PPP1R12A: variants seen among roughly 807,000 people sequenced by gnomAD.
PPP1R12A encodes myosin binding subunit.
Under a neutral mutation model 139.6 loss-of-function variants are expected in PPP1R12A, and 19 were observed. The observed-to-expected ratio is 0.14, with a 90% CI of 0.09 to 0.20. PPP1R12A has a LOEUF of 0.20. Ranked by LOEUF, PPP1R12A falls within the 10% of genes least tolerant of loss-of-function variation. The probability of loss-of-function intolerance (pLI) is 1.00; values close to 1 mark genes in which losing one functional copy is unlikely to be tolerated. For synonymous variants in PPP1R12A, 427 were observed against 420.6 expected (o/e 1.02, Z -0.19); for missense variants, 925 against 1,211.5 (o/e 0.76, Z 3.51).
chr12:79,888,452 C>T (rs1186860156), intron 1 of PPP1R12A, among the ~76,000 whole-genome samples: 1 of 152,042 alleles, frequency 6.6e-6, no homozygotes, highest in African/African-American at 2.4e-5. Context: ...TACATCAGAA[C>T]CCAGAGGGCA....
chr12:79,873,545 A>C (rs940627791), intron 1 of PPP1R12A, among the ~76,000 whole-genome samples: 2 of 150,978 alleles, frequency 1.3e-5, no homozygotes, highest in Admixed American at 1.3e-4. Context: ...TCATGCTTGT[A>C]ATCCCATCTA....
chr12:79,777,198 CTAG>C (rs1289103625), intron 24 of PPP1R12A: 1 of 914,660 alleles, frequency 1.1e-6, no homozygotes, highest in African/African-American at 1.8e-5. Flanking sequence ...GGTTTTCTCT[CTAG>C]TAAAGAACTG....
chr12:79,861,745 G>A (rs996632372), intron 2 of PPP1R12A, among the ~76,000 whole-genome samples: 3 of 152,124 alleles, frequency 2.0e-5, no homozygotes, highest in East Asian at 3.9e-4. Flanking sequence ...GGAGCTTGGC[G>A]GGGGGAAAGG....
In PPP1R12A at chr12:79,773,944, TAG is replaced by T. The variant is rs1179058138; in HGVS notation, c.*1983_*1984del. 6.6e-6 allele frequency: 1 copy of T among 152,206 alleles called. No individual in the cohort carries two copies. Among genetic ancestry groups the T allele is most frequent in the Non-Finnish European group, 1.5e-5 (1 of 68,014 alleles). 9.4% of individuals were successfully genotyped at this position (152,206 alleles called of 1,614,324 possible). On this transcript the variant is annotated 3_prime_UTR_variant, in exon 25 of 25. Transcript: ENST00000450142. The stretch of plus-strand genomic sequence containing the variant: ...CTCAATACTACCAATAAAATCAATA[TAG>T]CACAGTAGCTGTTCAGTTTTAGATA...
chr12:79,774,100 T>C lies in PPP1R12A; in HGVS notation c.*1829A>G, dbSNP rs1159537320. 6.6e-6 allele frequency: 1 copy of C among 152,160 alleles called. No individual in the cohort carries two copies. The highest frequency in any genetic ancestry group is 1.9e-4 in the East Asian group (1 of 5,188). The allele number at this position is 152,160 out of a possible 1,614,324, so 9.4% of individuals were successfully genotyped here. On this transcript the variant is annotated 3_prime_UTR_variant, in exon 25 of 25. Coordinates refer to ENST00000450142, the MANE Select transcript of PPP1R12A (RefSeq NM_002480.3). The stretch of plus-strand genomic sequence containing the variant: ...CTAACTGTTGTGCAACCAGAACATG[T>C]TGCAGTCACTCAAACTGATCAGTTA...
At chr12:79,919,285 G>A (rs907059848) in intron 1 of PPP1R12A, among the ~76,000 whole-genome samples, 5 of 151,068 alleles carry the variant, frequency 3.3e-5, no homozygotes, top group East Asian at 2.0e-4. Context: ...AGCCGGGCGC[G>A]GTGGCTCACA....
At chr12:79,898,747 T>C (rs1188740610) in intron 1 of PPP1R12A, among the ~76,000 whole-genome samples, 1 of 152,130 alleles carries the variant, frequency 6.6e-6, no homozygotes, top group Non-Finnish European at 1.5e-5. Context: ...ACCTGCTGTT[T>C]CTCCTATTAC....
At chr12:79,864,095 C>T (rs1195621474) in intron 2 of PPP1R12A, among the ~76,000 whole-genome samples, 1 of 152,144 alleles carries the variant, frequency 6.6e-6, no homozygotes, top group Non-Finnish European at 1.5e-5. Context: ...GGAAGTAAAA[C>T]ACTTCTCAGC....
chr12:79,859,321 G>GGTGA (rs1881038909), intron 2 of PPP1R12A, among the ~76,000 whole-genome samples: 1 of 147,194 alleles, frequency 6.8e-6, no homozygotes, highest in Non-Finnish European at 1.5e-5. Flanking sequence ...TGGGCAACAG[G>GGTGA]GTGAGACTCT....
chr12:79,817,574 C>T, intron 8 of PPP1R12A, 56 bp from the exon 9 acceptor site: 1 of 1,456,788 alleles, frequency 6.9e-7, no homozygotes, highest in Non-Finnish European at 9.2e-7. Context: ...GTCTCAATGG[C>T]TGGGAAAAAA....
chr12:79,871,839 C>T (rs992866122), intron 2 of PPP1R12A, among the ~76,000 whole-genome samples: 7 of 152,138 alleles, frequency 4.6e-5, no homozygotes, highest in Non-Finnish European at 1.0e-4. Context: ...TGAACAACCA[C>T]TGCTGTTTTG....
At chr12:79,878,606 C>G (rs1375369340) in intron 1 of PPP1R12A, among the ~76,000 whole-genome samples, 1 of 152,126 alleles carries the variant, frequency 6.6e-6, no homozygotes, top group African/African-American at 2.4e-5. Context: ...CACAGTTCCA[C>G]ACAGCTGGGG....
intron 9 of PPP1R12A, among the ~76,000 whole-genome samples, chr12:79,810,716 A>C (rs1874419880): frequency 7.0e-6 from 1 of 142,500 alleles, no homozygotes; most frequent in South Asian, 2.2e-4. Flanking sequence ...AAATCTAATA[A>C]ACTTCTAAAG....
At chr12:79,851,002 C>G (rs1040112500) in intron 2 of PPP1R12A, among the ~76,000 whole-genome samples, 8 of 152,128 alleles carry the variant, frequency 5.3e-5, no homozygotes, top group Admixed American at 1.3e-4. Context: ...TCAGGTAGTT[C>G]TTCATAGCAG....
chr12:79,926,156 A>T (rs1294474432), intron 1 of PPP1R12A, among the ~76,000 whole-genome samples: 1 of 152,222 alleles, frequency 6.6e-6, no homozygotes, highest in East Asian at 1.9e-4. Flanking sequence ...AATCAGTAAT[A>T]GATCTCATTT....
In PPP1R12A at chr12:79,900,484, C is replaced by T. The variant is rs146675950; in HGVS notation, c.238-27546G>A. ...TAAATACACACAAAATACACATTTC[C>T]GTAAATGTGCCTTTGAAACAAATGG... On this transcript the variant is annotated intron_variant, in intron 1 of 24. Transcript: ENST00000450142. 3.9e-3 allele frequency among the ~76,000 whole-genome samples: 588 copies of T among 152,246 alleles called. 7 individuals are homozygous for T. The highest frequency in any genetic ancestry group is 8.1e-3 in the South Asian group (39 of 4,822).
intron 1 of PPP1R12A, among the ~76,000 whole-genome samples, chr12:79,876,582 A>G (rs1029937273): frequency 2.6e-4 from 40 of 152,194 alleles, no homozygotes; most frequent in African/African-American, 9.2e-4. Context: ...GTTTATCAAC[A>G]CATTTCTCAC....
chr12:79,906,253 T>TG (rs1455929317), intron 1 of PPP1R12A, among the ~76,000 whole-genome samples: 1 of 151,974 alleles, frequency 6.6e-6, no homozygotes, highest in Non-Finnish European at 1.5e-5. Flanking sequence ...ATCAGCTATA[T>TG]GATAAGTGGG....
rs367993038 is a variant in PPP1R12A, at chr12:79,847,944, T to TAC, written c.369-2526_369-2525dup. ...ATAACTGATCAATCTCTATATCTTT[T>TAC]ACACACACACACACCCTCCCTCTAA... On this transcript the variant is annotated intron_variant, in intron 2 of 24. Transcript: ENST00000450142. 6.4e-3 allele frequency among the ~76,000 whole-genome samples: 969 copies of TAC among 151,994 alleles called. 5 individuals carry two copies. Among genetic ancestry groups the TAC allele is most frequent in the African/African-American group, 0.022 (917 of 41,480 alleles).
Sources: gnomAD v4.1 joint callset for allele counts (sites outside exome capture counted in the v4.1 genomes callset) on GRCh38, gnomAD v4.1.1 for gene constraint, MANE v1.5 for transcripts, NCBI Gene and HGNC (gene_info 2026-07-23, HGNC 2026-07-21) for gene names.